The following PACRG variants were observed in gnomAD, a reference collection of about 807,000 sequenced individuals.
The protein encoded by PACRG is parkin coregulated, also known as parkin coregulated gene protein.
In PACRG, 29 loss-of-function variants were observed where a neutral mutation model predicts 29.7. The ratio of observed to expected loss-of-function variants is 0.98; its 90% confidence interval spans 0.73 to 1.33. The LOEUF (loss-of-function observed/expected upper bound fraction) is 1.33, where lower values mean the gene tolerates loss of function less well. Ranked by LOEUF, PACRG falls within the 40% of genes most tolerant of loss-of-function variation. The pLI is 0.00. For missense variants in PACRG, 279 were observed against 316.2 expected (o/e 0.88, Z 0.89); for synonymous variants, 116 against 118.7 (o/e 0.98, Z 0.15).
chr6:162,838,378 T>C (rs1215344918), intron 2 of PACRG, among the ~76,000 whole-genome samples: 1 of 152,108 alleles, frequency 6.6e-6, no homozygotes, highest in Non-Finnish European at 1.5e-5. Context: ...TGTAGGCTAA[T>C]CATTATGAGG....
intron 1 of PACRG, among the ~76,000 whole-genome samples, chr6:162,764,659 G>A (rs777254821): frequency 1.3e-5 from 2 of 151,630 alleles, no homozygotes; most frequent in Non-Finnish European, 2.9e-5. Context: ...TCCTTAGATT[G>A]TCTTCTTCAT....
chr6:163,130,895 T>G (rs1173689531), intron 4 of PACRG, among the ~76,000 whole-genome samples: 4 of 152,174 alleles, frequency 2.6e-5, no homozygotes, highest in Non-Finnish European at 5.9e-5. Flanking sequence ...TCCATGTCCT[T>G]CCCAGAATCT....
At chr6:163,182,008 C>T (rs1244881156) in intron 4 of PACRG, among the ~76,000 whole-genome samples, 2 of 152,196 alleles carry the variant, frequency 1.3e-5, no homozygotes, top group African/African-American at 4.8e-5. Context: ...ATCCTAATAG[C>T]GTTACCTCTC....
At chr6:163,028,473 A>C (rs1807350561) in intron 2 of PACRG, among the ~76,000 whole-genome samples, 6 of 152,186 alleles carry the variant, frequency 3.9e-5, no homozygotes, top group Admixed American at 3.9e-4. Context: ...CCTGTAGGAC[A>C]GAGATAGCCA....
At chr6:163,314,710 A>T in intron 4 of PACRG, 117 bp from the exon 5 acceptor site, 1 of 1,161,174 alleles carries the variant, frequency 8.6e-7, no homozygotes, top group Non-Finnish European at 1.2e-6. Context: ...GATCGTGTAA[A>T]AATCTTGCAT....
intron 1 of PACRG, among the ~76,000 whole-genome samples, chr6:162,778,677 A>G (rs887223293): frequency 2.0e-5 from 3 of 152,190 alleles, no homozygotes; most frequent in Non-Finnish European, 2.9e-5. Flanking sequence ...AACTTTCCCC[A>G]ACAAAAAGCA....
At chr6:163,264,410 G>T (rs950474731) in intron 4 of PACRG, among the ~76,000 whole-genome samples, 114 of 152,152 alleles carry the variant, frequency 7.5e-4, no homozygotes, top group African/African-American at 2.6e-3. Context: ...CACTGCTCTG[G>T]GCTAGTCACA....
intron 2 of PACRG, among the ~76,000 whole-genome samples, chr6:162,859,218 A>C (rs978378270): frequency 1.3e-5 from 2 of 152,126 alleles, no homozygotes; most frequent in Admixed American, 1.3e-4. Context: ...CTCACCTAAA[A>C]ATAGACTAAT....
chr6:162,868,468 A>G (rs1043481428), intron 2 of PACRG, among the ~76,000 whole-genome samples: 3 of 152,242 alleles, frequency 2.0e-5, no homozygotes, highest in African/African-American at 7.2e-5. Context: ...CCGCCGCAGC[A>G]CAGTGGTGAG....
At chr6:163,256,573 GA>G (rs1783115844) in intron 4 of PACRG, among the ~76,000 whole-genome samples, 1 of 152,206 alleles carries the variant, frequency 6.6e-6, no homozygotes, top group Admixed American at 6.5e-5. Flanking sequence ...GACCCCCAGG[GA>G]TGATGGATCC....
intron 4 of PACRG, among the ~76,000 whole-genome samples, chr6:163,279,681 G>A (rs1784162910): frequency 6.6e-6 from 1 of 152,126 alleles, no homozygotes; most frequent in Admixed American, 6.5e-5. Context: ...CTTGGCAGTT[G>A]TGTCTGTGAG....
intron 2 of PACRG, among the ~76,000 whole-genome samples, chr6:162,946,938 A>C (rs907846853): frequency 2.6e-5 from 4 of 152,134 alleles, no homozygotes; most frequent in African/African-American, 9.7e-5. Flanking sequence ...TTTTTATGTT[A>C]AAAATTTCTG....
At chr6:162,917,434 C>A (rs1424058278) in intron 2 of PACRG, among the ~76,000 whole-genome samples, 2 of 152,112 alleles carry the variant, frequency 1.3e-5, no homozygotes, top group African/African-American at 2.4e-5. Flanking sequence ...AAATACAACA[C>A]CTTCTGCAGG....
intron 3 of PACRG, among the ~76,000 whole-genome samples, chr6:163,074,924 C>T (rs1295017570): frequency 2.0e-5 from 3 of 152,036 alleles, no homozygotes; most frequent in Non-Finnish European, 4.4e-5. Flanking sequence ...AGCCCAGGAG[C>T]TCAGTGTTAC....
chr6:163,269,922 G>GAA, intron 4 of PACRG, among the ~76,000 whole-genome samples: 1 of 54,704 alleles, frequency 1.8e-5, no homozygotes, highest in African/African-American at 1.0e-4. Flanking sequence ...AAGAAAGAAA[G>GAA]AAAGAAAACA....
chr6:162,885,197 C>G (rs1794225965), intron 2 of PACRG, among the ~76,000 whole-genome samples: 1 of 151,202 alleles, frequency 6.6e-6, no homozygotes, highest in Admixed American at 6.6e-5. Flanking sequence ...AACATGGTTT[C>G]CTTTCAATGC....
chr6:163,157,066 GCAGAATATTCTGCCTACCA>G (rs1352217476), intron 4 of PACRG, among the ~76,000 whole-genome samples: 3 of 152,162 alleles, frequency 2.0e-5, no homozygotes, highest in African/African-American at 7.2e-5. Flanking sequence ...GCGGTGGTGG[GCAGAATATTCTGCCTACCA>G]CACAGTGGAG....
chr6:162,945,044 G>C (rs1562762680), intron 2 of PACRG, among the ~76,000 whole-genome samples: 1 of 151,848 alleles, frequency 6.6e-6, no homozygotes, highest in Non-Finnish European at 1.5e-5. Flanking sequence ...AGACTGAAAT[G>C]TTACCACTAC....
intron 2 of PACRG, among the ~76,000 whole-genome samples, chr6:162,841,532 C>T (rs971471753): frequency 2.0e-5 from 3 of 151,812 alleles, no homozygotes; most frequent in Admixed American, 6.6e-5. Flanking sequence ...TTTGTTGAAC[C>T]TTTCAAAAAA....
Sources: gnomAD v4.1 joint callset for allele counts (sites outside exome capture counted in the v4.1 genomes callset) on GRCh38, gnomAD v4.1.1 for gene constraint, MANE v1.5 for transcripts, NCBI Gene and HGNC (gene_info 2026-07-23, HGNC 2026-07-21) for gene names.